The following CNTN3 variants were observed in gnomAD, a reference collection of about 807,000 sequenced individuals.
CNTN3 encodes the protein contactin 3, also known as contactin-3.
A neutral mutation model predicts 119.1 loss-of-function variants in CNTN3; 60 were observed. The observed-to-expected ratio is 0.50, with a 90% CI of 0.41 to 0.62. The LOEUF (loss-of-function observed/expected upper bound fraction) is 0.62, where lower values mean the gene tolerates loss of function less well. Among genes scored for constraint, CNTN3 ranks in the 20% least tolerant of loss-of-function variants. CNTN3 has a pLI of 0.00. For missense variants in CNTN3, 1,101 were observed against 1,242.4 expected, an observed-to-expected ratio of 0.89 and a Z score of 1.71; for synonymous variants, 450 against 438.7, an observed-to-expected ratio of 1.03 and a Z score of -0.32.
rs138669086 is a variant in CNTN3 at position 74,418,340 on chromosome 3, TCC to T, written c.454+6503_454+6504del. Among the ~76,000 whole-genome samples, 275 of 118,294 alleles carry T rather than the reference TCC, an allele frequency of 2.3e-3. 1 individual carries two copies. The highest frequency in any genetic ancestry group is 8.3e-3 in the African/African-American group (243 of 29,294). The allele number at this position is 118,294 out of a possible 152,430, so 77.6% of individuals were successfully genotyped here. A position where few individuals can be genotyped will look rare whatever the true frequency, so the allele number is the denominator to read the frequency against. ...ACCATGTCCACTGCAGAAAACATAT[TCC>T]TTTTTTTTTTTTTTTTTGAGTCAGA... On this transcript the variant is annotated intron_variant, in intron 5 of 22. Coordinates refer to ENST00000263665, the MANE Select transcript of CNTN3 (RefSeq NM_020872.3).
intron 11 of CNTN3, among the ~76,000 whole-genome samples, chr3:74,342,166 G>A (rs766501276): frequency 1.3e-5 from 2 of 152,054 alleles, no homozygotes; most frequent in Non-Finnish European, 2.9e-5. Context: ...GAAAATGTAT[G>A]AGAAAATAAA....
intron 20 of CNTN3, among the ~76,000 whole-genome samples, chr3:74,274,981 C>G (rs1701851766): frequency 6.6e-6 from 1 of 152,076 alleles, no homozygotes; most frequent in African/African-American, 2.4e-5. Context: ...TCCAGAAACA[C>G]TGGACACATA....
At chr3:74,279,021 A>T (rs1575693432) in intron 20 of CNTN3, among the ~76,000 whole-genome samples, 1 of 152,212 alleles carries the variant, frequency 6.6e-6, no homozygotes, top group African/African-American at 2.4e-5. Context: ...GCTCAACACC[A>T]CTAATGATCA....
intron 4 of CNTN3, among the ~76,000 whole-genome samples, chr3:74,451,425 G>C (rs867257918): frequency 6.6e-6 from 1 of 152,070 alleles, no homozygotes; most frequent in Non-Finnish European, 1.5e-5. Context: ...CCCTTTGTCA[G>C]ATGAGTAGGT....
intron 1 of CNTN3, among the ~76,000 whole-genome samples, chr3:74,581,102 T>TGAGG (rs1704497504): frequency 1.3e-5 from 2 of 152,138 alleles, no homozygotes; most frequent in African/African-American, 4.8e-5. Flanking sequence ...TCTCAATATT[T>TGAGG]CTACTCACCA....
At chr3:74,570,207 T>C (rs1349806419) in intron 1 of CNTN3, among the ~76,000 whole-genome samples, 1 of 151,696 alleles carries the variant, frequency 6.6e-6, no homozygotes, top group East Asian at 2.0e-4. Flanking sequence ...CTACAAGACA[T>C]GTATATGGAG....
Position 74,369,343 on chromosome 3 carries a change from ACTT to A in CNTN3, c.789_791del (p.Arg263del), listed in dbSNP as rs780657587. ...TTTTGCTGGAAAATGGCAGCCCATCACTTCTTCTCCAATTAATCTGAGGTATGG... is the reference window on the plus strand; with the variant it reads ...TTTTGCTGGAAAATGGCAGCCCATCACTTCTCCAATTAATCTGAGGTATGG... On this transcript the variant is annotated inframe_deletion, in exon 8 of 23. Coordinates refer to ENST00000263665, the MANE Select transcript of CNTN3 (RefSeq NM_020872.3). 2 of 1,604,734 alleles carry A rather than the reference ACTT, an allele frequency of 1.2e-6. No individual in the cohort carries two copies. Among genetic ancestry groups the A allele is most frequent in the Admixed American group, 3.4e-5 (2 of 58,510 alleles).
At chr3:74,417,817 T>C (rs1454622728) in intron 5 of CNTN3, among the ~76,000 whole-genome samples, 6 of 152,218 alleles carry the variant, frequency 3.9e-5, no homozygotes. Context: ...AATCTGTTAA[T>C]ATTCTGAACT....
chr3:74,316,251 A>T (rs1385426866), intron 13 of CNTN3, among the ~76,000 whole-genome samples: 1 of 152,186 alleles, frequency 6.6e-6, no homozygotes, highest in Non-Finnish European at 1.5e-5. Context: ...ATCATCACTA[A>T]TCACCAGAGA....
Position 74,267,342 on chromosome 3 carries a change from G to A in CNTN3, c.2741C>T (p.Ala914Val). The change falls in exon 21 of 23, where the codon GCC (alanine) becomes GTC (valine). Residue 914 changes from alanine (A) to valine (V), a missense_variant. By Grantham distance (64) the Ala-to-Val change is moderately conservative. Transcript: ENST00000263665. ...SQPPGNVVWN[A>V]TDTKVLLNWE... Reference sequence around the variant, plus strand: ...ATTAAGTAACACTTTAGTGTCTGTGGCATTCCAAACAACATTTCCTGGTGG... The same window carrying A: ...ATTAAGTAACACTTTAGTGTCTGTGACATTCCAAACAACATTTCCTGGTGG... 1 of 1,613,170 alleles carries A rather than the reference G, an allele frequency of 6.2e-7. No individual in the cohort carries two copies.
intron 1 of CNTN3, among the ~76,000 whole-genome samples, chr3:74,550,747 G>T (rs1343273123): frequency 1.3e-5 from 2 of 152,066 alleles, no homozygotes; most frequent in Non-Finnish European, 2.9e-5. Flanking sequence ...TTGCCATGTT[G>T]CCCAGGCTGG....
chr3:74,282,190 A>G (rs1409434543), intron 20 of CNTN3, among the ~76,000 whole-genome samples: 7 of 152,326 alleles, frequency 4.6e-5, no homozygotes, highest in Non-Finnish European at 8.8e-5. Context: ...TCTAAAAAAC[A>G]CAAGTATTTG....
chr3:74,279,369 C>T (rs1183539230), intron 20 of CNTN3, among the ~76,000 whole-genome samples: 1 of 152,092 alleles, frequency 6.6e-6, no homozygotes, highest in African/African-American at 2.4e-5. Flanking sequence ...AAATGTCCAT[C>T]AATCAACGAG....
intron 10 of CNTN3, among the ~76,000 whole-genome samples, chr3:74,362,594 A>G (rs1263903547): frequency 6.6e-6 from 1 of 152,220 alleles, no homozygotes; most frequent in Non-Finnish European, 1.5e-5. Context: ...TATTGCATGA[A>G]GTATAATAAT....
rs1309695396 is a variant in CNTN3 at position 74,455,377 on chromosome 3, T to C, written c.359-30437A>G. ...ATCAGCTCCTTTAAGCACTTCTCTG[T>C]ATTGGTTATTCTAGTTATACATTCG... On this transcript the variant is annotated intron_variant, in intron 4 of 22. Transcript: ENST00000263665. Among the ~76,000 whole-genome samples the C allele has an allele frequency of 4.6e-5, 7 of 152,100 alleles. No homozygotes were observed. In the East Asian group the frequency reaches 1.2e-3, roughly 25 times the overall value.
intron 13 of CNTN3, among the ~76,000 whole-genome samples, chr3:74,316,387 G>A (rs1702830949): frequency 6.6e-6 from 1 of 152,160 alleles, no homozygotes; most frequent in South Asian, 2.1e-4. Flanking sequence ...CACTGTTGGT[G>A]GGAATGTAAA....
At chr3:74,453,133 A>G (rs949171151) in intron 4 of CNTN3, among the ~76,000 whole-genome samples, 2 of 151,996 alleles carry the variant, frequency 1.3e-5, no homozygotes, top group African/African-American at 4.8e-5. Context: ...TCGGCTGTGA[A>G]TCCATCTGGT....
intron 4 of CNTN3, among the ~76,000 whole-genome samples, chr3:74,458,079 C>T (rs2106965739): frequency 6.6e-6 from 1 of 152,064 alleles, no homozygotes. Flanking sequence ...CAAATGGAGA[C>T]AAACTGTCAC....
At chr3:74,356,724 T>C (rs1703942983) in intron 11 of CNTN3, among the ~76,000 whole-genome samples, 1 of 152,084 alleles carries the variant, frequency 6.6e-6, no homozygotes, top group African/African-American at 2.4e-5. Context: ...TTTGAAGACC[T>C]CTGTTGGGCA....
Sources: gnomAD v4.1 joint callset for allele counts (sites outside exome capture counted in the v4.1 genomes callset) on GRCh38, gnomAD v4.1.1 for gene constraint, MANE v1.5 for transcripts, NCBI Gene and HGNC (gene_info 2026-07-23, HGNC 2026-07-21) for gene names.